Variants in ME1 observed in about 807,000 individuals in gnomAD.
ME1 encodes the protein malic enzyme 1.
A neutral mutation model predicts 66.4 loss-of-function variants in ME1; 74 were observed. The observed-to-expected ratio is 1.11, with a 90% CI of 0.92 to 1.35. ME1 has a LOEUF of 1.35. ME1 is among the 40% of genes most tolerant of loss of function. ME1 has a pLI of 0.00. For missense variants in ME1, 750 were observed against 694.1 expected (o/e 1.08, Z -0.90); for synonymous variants, 251 against 235.6 (o/e 1.07, Z -0.60).
chr6:83,212,830 C>T (rs1461303373), intron 13 of ME1, among the ~76,000 whole-genome samples: 1 of 152,124 alleles, frequency 6.6e-6, no homozygotes, highest in African/African-American at 2.4e-5. Flanking sequence ...CCATTTGACT[C>T]TCATCACTCA....
intron 6 of ME1, among the ~76,000 whole-genome samples, chr6:83,314,712 G>A (rs555492587): frequency 3.9e-5 from 6 of 152,092 alleles, no homozygotes; most frequent in African/African-American, 9.6e-5. Context: ...AACACTAATG[G>A]TCTCAGGTGA....
chr6:83,285,285 T>G (rs1767375944), intron 6 of ME1, among the ~76,000 whole-genome samples: 1 of 152,192 alleles, frequency 6.6e-6, no homozygotes, highest in Non-Finnish European at 1.5e-5. Flanking sequence ...GCTTTAATTC[T>G]ACTAGACTGT....
At chr6:83,324,073 G>A (rs966648888) in intron 5 of ME1, among the ~76,000 whole-genome samples, 2 of 152,016 alleles carry the variant, frequency 1.3e-5, no homozygotes, top group African/African-American at 2.4e-5. Context: ...TGAACAACCT[G>A]CTCCTGAACG....
intron 4 of ME1, among the ~76,000 whole-genome samples, chr6:83,347,565 G>C (rs982063791): frequency 6.6e-6 from 1 of 152,056 alleles, no homozygotes; most frequent in African/African-American, 2.4e-5. Context: ...ATAAAATTGG[G>C]AACCAGGTCT....
chr6:83,304,813 T>C lies in ME1; in HGVS notation c.704+10497A>G, dbSNP rs539108718. Among the ~76,000 whole-genome samples, 6 of 152,318 alleles carry C rather than the reference T, an allele frequency of 3.9e-5. No individual in the cohort carries two copies. In the East Asian group the frequency reaches 1.2e-3, roughly 29 times the overall value. ...TGATTATTTTGTTCTTACATTTTGA[T>C]TATGGCAAATTTTATACAAATTTTG... On this transcript the variant is annotated intron_variant, in intron 6 of 13. Coordinates refer to ENST00000369705, the MANE Select transcript of ME1 (RefSeq NM_002395.6).
rs750302190 is a variant in ME1, at chr6:83,315,433, T to C, written c.601-20A>G. The C allele has an allele frequency of 6.5e-6, 9 of 1,381,136 alleles. No individual in the cohort carries two copies. Among genetic ancestry groups the C allele is most frequent in the Non-Finnish European group, 9.1e-6 (9 of 983,810 alleles). 85.6% of individuals were successfully genotyped at this position (1,381,136 alleles called of 1,614,324 possible). ...TAACTCCTATTAAAAAAAGTTACCA[T>C]AAAAATAGAAATAACTATAACCAAA... On this transcript the variant is annotated intron_variant, in intron 5 of 13. Coordinates refer to ENST00000369705, the MANE Select transcript of ME1 (RefSeq NM_002395.6).
At chr6:83,236,150 A>G (rs962171814) in intron 9 of ME1, among the ~76,000 whole-genome samples, 4 of 152,150 alleles carry the variant, frequency 2.6e-5, no homozygotes, top group Non-Finnish European at 5.9e-5. Flanking sequence ...TAAAGCCTAT[A>G]CAATATACTA....
intron 3 of ME1, among the ~76,000 whole-genome samples, chr6:83,355,565 T>C (rs1313165439): frequency 1.3e-5 from 2 of 152,152 alleles, no homozygotes; most frequent in East Asian, 3.9e-4. Flanking sequence ...GAAAGAATTA[T>C]TACTTTTGAA....
chr6:83,404,416 A>T (rs1209152018), intron 2 of ME1, among the ~76,000 whole-genome samples: 1 of 151,814 alleles, frequency 6.6e-6, no homozygotes, highest in African/African-American at 2.4e-5. Context: ...TGTCAGATTG[A>T]CAGATTGCAA....
chr6:83,324,395 AGGAGCTGG>A (rs1459876178), intron 5 of ME1, among the ~76,000 whole-genome samples: 1 of 151,920 alleles, frequency 6.6e-6, no homozygotes, highest in African/African-American at 2.4e-5. Flanking sequence ...GAATGAATCC[AGGAGCTGG>A]TTTTTTGAAA....
chr6:83,366,524 G>T (rs900047562), intron 3 of ME1, among the ~76,000 whole-genome samples: 3 of 152,140 alleles, frequency 2.0e-5, no homozygotes, highest in African/African-American at 7.2e-5. Flanking sequence ...AAGGATAAAG[G>T]TAAGAAGAAA....
chr6:83,371,234 C>T (rs1057150509), intron 3 of ME1, among the ~76,000 whole-genome samples: 7 of 152,100 alleles, frequency 4.6e-5, no homozygotes, highest in African/African-American at 7.2e-5. Flanking sequence ...GTTTTATTTT[C>T]AAGTTCCTTT....
At chr6:83,330,072 C>T (rs954440692) in intron 5 of ME1, among the ~76,000 whole-genome samples, 2 of 152,164 alleles carry the variant, frequency 1.3e-5, no homozygotes, top group African/African-American at 4.8e-5. Flanking sequence ...CCTCTCACTT[C>T]ACCTCCTAAA....
Position 83,223,754 on chromosome 6 carries a change from C to T in ME1, c.1449+6G>A, listed in dbSNP as rs755925979. ...CCCTTGGTAAACTTAGAGGATTTTA[C>T]AATACCTCAGCAGTAGTGAGGAAAA... is the stretch of plus-strand genomic sequence containing the variant. On this transcript the variant is annotated splice_donor_region_variant and intron_variant, in intron 12 of 13. Transcript: ENST00000369705. 9.3e-6 allele frequency: 15 copies of T among 1,612,106 alleles called. No individual in the cohort carries two copies. The South Asian group carries it at 1.6e-4, about 18-fold the overall frequency.
intron 11 of ME1, among the ~76,000 whole-genome samples, chr6:83,225,664 C>G (rs913268509): frequency 6.6e-6 from 1 of 151,926 alleles, no homozygotes; most frequent in African/African-American, 2.4e-5. Flanking sequence ...GCACAGAATT[C>G]GGTTTTGTTT....
intron 1 of ME1, among the ~76,000 whole-genome samples, chr6:83,425,577 G>C (rs1258427120): frequency 6.6e-6 from 1 of 152,038 alleles, no homozygotes; most frequent in East Asian, 1.9e-4. Context: ...TCACTACCAG[G>C]AGAACAGCAG....
chr6:83,316,428 G>A (rs1051665835), intron 5 of ME1, among the ~76,000 whole-genome samples: 2 of 151,930 alleles, frequency 1.3e-5, no homozygotes, highest in African/African-American at 2.4e-5. Context: ...CTTCCTTAAC[G>A]CAATAAAGGA....
chr6:83,394,447 TA>T (rs1769690530), intron 3 of ME1, among the ~76,000 whole-genome samples: 1 of 152,166 alleles, frequency 6.6e-6, no homozygotes, highest in Admixed American at 6.5e-5. Context: ...TATGTATCAA[TA>T]AAAAAATTTT....
intron 5 of ME1, among the ~76,000 whole-genome samples, chr6:83,324,326 A>G (rs1562481189): frequency 6.6e-6 from 1 of 151,768 alleles, no homozygotes; most frequent in Non-Finnish European, 1.5e-5. Flanking sequence ...AAGATGAGAA[A>G]TAACTAAGAT....
Sources: gnomAD v4.1 joint callset for allele counts (sites outside exome capture counted in the v4.1 genomes callset) on GRCh38, gnomAD v4.1.1 for gene constraint, MANE v1.5 for transcripts, NCBI Gene and HGNC (gene_info 2026-07-23, HGNC 2026-07-21) for gene names.